Variants in FTSJ1 observed in about 807,000 individuals in gnomAD.
FTSJ1 encodes FtsJ RNA 2'-O-methyltransferase 1.
Under a neutral mutation model 28.5 loss-of-function variants are expected in FTSJ1, and 3 were observed. The observed-to-expected ratio is 0.11, with a 90% confidence interval of 0.05 to 0.27. The LOEUF is 0.27. Ranked by LOEUF, FTSJ1 falls within the 10% of genes least tolerant of loss-of-function variation. The probability of loss-of-function intolerance (pLI) is 1.00; values close to 1 mark genes in which losing one functional copy is unlikely to be tolerated. For missense variants in FTSJ1, 162 were observed against 279.0 expected, an observed-to-expected ratio of 0.58 and a Z score of 2.99; for synonymous variants, 104 against 113.9, an observed-to-expected ratio of 0.91 and a Z score of 0.55.
chrX:48,478,590 G>C (rs782540653), intron 3 of FTSJ1, 27 bp from the exon 4 acceptor site: 2 of 1,197,772 alleles, frequency 1.7e-6, no homozygotes, highest in Non-Finnish European at 2.3e-6. Flanking sequence ...AGCGAAACTA[G>C]GCTGATGTGG....
chrX:48,479,075 G>A lies in FTSJ1; in HGVS notation c.320G>A (p.Gly107Asp). 8.3e-7 allele frequency: 1 copy of A among 1,208,298 alleles called. No homozygotes were observed. Among genetic ancestry groups the A allele is most frequent in the Non-Finnish European group, 1.1e-6 (1 of 892,027 alleles). ...AAGGAGATCATCCAGCACTTTAAGG[G>A]CTGCCCTGCGGACCTAGTGGTGTGT... Reference protein sequence around the residue: ...TAKEIIQHFKGCPADLVVCDG... With the variant: ...TAKEIIQHFKDCPADLVVCDG... The change falls in exon 5 of 13, where the codon GGC becomes GAC. Residue 107 changes from glycine to aspartate, a missense_variant. Coordinates refer to ENST00000348411, the MANE Select transcript of FTSJ1 (RefSeq NM_012280.4).
chrX:48,477,488 T>C (rs950852364), intron 1 of FTSJ1, among the ~76,000 whole-genome samples: 2 of 110,404 alleles, frequency 1.8e-5, no homozygotes, highest in African/African-American at 6.6e-5. Flanking sequence ...GAGAGAGATA[T>C]AGGGAGTGGG....
chrX:48,480,209 A>G (rs1302803288), intron 5 of FTSJ1, among the ~76,000 whole-genome samples: 2 of 110,988 alleles, frequency 1.8e-5, no homozygotes, highest in African/African-American at 6.6e-5. Flanking sequence ...GGAAAGCAGG[A>G]GTACCTGTTG....
At chrX:48,478,763 G>A (rs181411434) in intron 4 of FTSJ1, 56 bp downstream of exon 4, 2 of 825,309 alleles carry the variant, frequency 2.4e-6, no homozygotes, top group Non-Finnish European at 3.6e-6. Context: ...CCTTACCTGG[G>A]GTCTATGCAG....
Position 48,479,295 on chromosome X carries a change from C to T in FTSJ1, c.361+179C>T, listed in dbSNP as rs373541229. 3.6e-5 allele frequency among the ~76,000 whole-genome samples: 4 copies of T among 111,995 alleles called. No individual in the cohort carries two copies. In the South Asian group the frequency reaches 1.5e-3, roughly 41 times the overall value. ...ACCTCTGCTGCCTGTTCTCTCTCTG[C>T]CTCTCTCTTCCTCCCACTTGCACCC... is the stretch of plus-strand genomic sequence containing the variant. On this transcript the variant is annotated intron_variant, in intron 5 of 12. Coordinates refer to ENST00000348411, the MANE Select transcript of FTSJ1 (RefSeq NM_012280.4).
intron 4 of FTSJ1, 97 bp downstream of exon 4, chrX:48,478,804 CAG>C (rs1305330674): frequency 1.1e-5 from 7 of 631,739 alleles, no homozygotes; most frequent in South Asian, 2.4e-5. Flanking sequence ...GTGATAGAAA[CAG>C]AGAGAGAAAG....
At chrX:48,485,164 G>A (rs1482582487) in intron 12 of FTSJ1, among the ~76,000 whole-genome samples, 1 of 111,057 alleles carries the variant, frequency 9.0e-6, no homozygotes, top group Non-Finnish European at 1.9e-5. Context: ...CATGGTGGCG[G>A]GCACCTGTAA....
intron 5 of FTSJ1, 32 bp downstream of exon 5, chrX:48,479,148 G>A (rs782591458): frequency 8.9e-6 from 9 of 1,014,682 alleles, no homozygotes; most frequent in South Asian, 5.7e-5. Context: ...GAGGCCAGGC[G>A]GGGCCCCCTG....
At chrX:48,484,904 G>A (rs138980211) in intron 12 of FTSJ1, among the ~76,000 whole-genome samples, 1,770 of 111,824 alleles carry the variant, frequency 0.016, 36 homozygotes, top group African/African-American at 0.054. Context: ...TGAAAGCCTC[G>A]TACATGCTAC....
At chrX:48,476,741 G>T (rs1408495287) in intron 1 of FTSJ1, 2 of 117,010 alleles carry the variant, frequency 1.7e-5, no homozygotes, top group Non-Finnish European at 3.5e-5. Flanking sequence ...TGAGGGTGGG[G>T]TGTTACTGGG....
At chrX:48,478,284 C>T in intron 2 of FTSJ1, 116 bp downstream of exon 2, 1 of 859,681 alleles carries the variant, frequency 1.2e-6, no homozygotes, top group Non-Finnish European at 1.7e-6. Flanking sequence ...GTCTCTGGGG[C>T]AGGGAGACAG....
intron 1 of FTSJ1, among the ~76,000 whole-genome samples, chrX:48,477,029 G>A (rs890119097): frequency 9.0e-6 from 1 of 110,707 alleles, no homozygotes; most frequent in South Asian, 3.8e-4. Flanking sequence ...GGCTGATGGT[G>A]TTGTAGTCAG....
In FTSJ1 at chrX:48,483,156, CTGT is replaced by C. The variant is rs1372182040; in HGVS notation, c.*9+136_*9+138del. The stretch of plus-strand genomic sequence containing the variant: ...AATCAACAAACCCTTTTCTAAACAT[CTGT>C]TGTTGTATGCCAGGAACTGCTTTAA... On this transcript the variant is annotated intron_variant, in intron 12 of 12. Coordinates refer to ENST00000348411, the MANE Select transcript of FTSJ1 (RefSeq NM_012280.4). The C allele has an allele frequency of 5.0e-5, 28 of 555,951 alleles. No individual in the cohort carries two copies. The African/African-American group carries it at 5.5e-4, about 11-fold the overall frequency. The allele number at this position is 555,951 out of a possible 1,213,427, so 45.8% of individuals were successfully genotyped here. A position where few individuals can be genotyped will look rare whatever the true frequency, so the allele number is the denominator to read the frequency against.
chrX:48,484,741 A>T (rs781940264), intron 12 of FTSJ1, among the ~76,000 whole-genome samples: 1 of 112,196 alleles, frequency 8.9e-6, no homozygotes, highest in East Asian at 2.8e-4. Context: ...TGTGAAAGAG[A>T]TTTACAGTTT....
At chrX:48,479,152 C>G (rs782492029) in intron 5 of FTSJ1, 36 bp downstream of exon 5, 1 of 980,620 alleles carries the variant, frequency 1.0e-6, no homozygotes, top group East Asian at 3.0e-5. Context: ...CCAGGCGGGG[C>G]CCCCTGTGTG....
At chrX:48,481,746 G>A (rs1213879348) in intron 9 of FTSJ1, 31 bp downstream of exon 9, 4 of 898,963 alleles carry the variant, frequency 4.4e-6, no homozygotes, top group Non-Finnish European at 4.9e-6. Flanking sequence ...CACCCTGGGG[G>A]ACTCTGCCAC....
Position 48,478,438 on chromosome X carries a change from TG to T in FTSJ1, c.122-10del. 1.7e-6 allele frequency: 2 copies of T among 1,205,879 alleles called. No homozygotes were observed. On this transcript the variant is annotated splice_polypyrimidine_tract_variant and intron_variant, in intron 2 of 12. Transcript: ENST00000348411. ...GCAGCTGATCAGGATGCTTTCACTA[TG>T]TATGCCCAGGCGTGACACGGGCAGT...
intron 5 of FTSJ1, among the ~76,000 whole-genome samples, chrX:48,479,991 A>G (rs782448861): frequency 6.5e-4 from 73 of 111,463 alleles, no homozygotes; most frequent in African/African-American, 2.2e-3. Context: ...TAAAAATACA[A>G]AAATTAGCCA....
chrX:48,476,959 G>T (rs2061536272), intron 1 of FTSJ1, among the ~76,000 whole-genome samples: 2 of 110,115 alleles, frequency 1.8e-5, no homozygotes, highest in South Asian at 7.7e-4. Flanking sequence ...GTTGTGGGGG[G>T]AATAATAGAT....
Sources: allele counts gnomAD v4.1 joint callset (sites outside exome capture counted in the v4.1 genomes callset), GRCh38; gene constraint gnomAD v4.1.1; transcripts MANE v1.5; gene names NCBI Gene and HGNC (gene_info 2026-07-23, HGNC 2026-07-21).